Variants in ITGB8 observed in about 807,000 individuals in gnomAD.
ITGB8 encodes integrin beta-8.
Under a neutral mutation model 89.5 loss-of-function variants are expected in ITGB8, and 30 were observed. The observed-to-expected ratio is 0.34, with a 90% CI of 0.25 to 0.45. ITGB8 has a LOEUF of 0.45. ITGB8 is among the 20% of genes least tolerant of loss of function. The probability of loss-of-function intolerance (pLI) is 1.00; values close to 1 mark genes in which losing one functional copy is unlikely to be tolerated. For synonymous variants in ITGB8, 335 were observed against 320.4 expected (o/e 1.05, Z -0.49); for missense variants, 836 against 933.3 (o/e 0.90, Z 1.36).
At chr7:20,355,924 G>A (rs1342366110) in intron 1 of ITGB8, among the ~76,000 whole-genome samples, 1 of 152,152 alleles carries the variant, frequency 6.6e-6, no homozygotes, top group Admixed American at 6.5e-5. Context: ...CCACAGATGT[G>A]TTATCATTAT....
chr7:20,358,421 T>C (rs1054131693), intron 1 of ITGB8, among the ~76,000 whole-genome samples: 7 of 149,888 alleles, frequency 4.7e-5, no homozygotes, highest in African/African-American at 1.7e-4. Flanking sequence ...ATTTTTTTCT[T>C]TTTTTTTTTG....
intron 6 of ITGB8, among the ~76,000 whole-genome samples, chr7:20,386,799 T>C (rs1185543012): frequency 6.6e-6 from 1 of 152,096 alleles, no homozygotes; most frequent in Non-Finnish European, 1.5e-5. Context: ...AAATTCAACT[T>C]TGATAAAAAT....
chr7:20,402,682 A>T (rs778259083), intron 10 of ITGB8, among the ~76,000 whole-genome samples: 1 of 152,258 alleles, frequency 6.6e-6, no homozygotes, highest in Non-Finnish European at 1.5e-5. Context: ...GCCAAAGGAC[A>T]GCATTCTTCA....
At chr7:20,354,817 C>G (rs1785235509) in intron 1 of ITGB8, among the ~76,000 whole-genome samples, 1 of 152,212 alleles carries the variant, frequency 6.6e-6, no homozygotes, top group Non-Finnish European at 1.5e-5. Flanking sequence ...GTTAGTTATG[C>G]AATCATCATC....
chr7:20,405,970 T>C, intron 11 of ITGB8, 92 bp from the exon 12 acceptor site: 1 of 744,326 alleles, frequency 1.3e-6, no homozygotes, highest in Non-Finnish European at 2.3e-6. Flanking sequence ...TGTTTCTGCA[T>C]TGTTATTTTG....
At chr7:20,409,261 A>G (rs574283273) in intron 12 of ITGB8, among the ~76,000 whole-genome samples, 1 of 152,348 alleles carries the variant, frequency 6.6e-6, no homozygotes, top group East Asian at 1.9e-4. Context: ...CGTACCACAA[A>G]AACTAGTCCT....
intron 12 of ITGB8, among the ~76,000 whole-genome samples, chr7:20,407,414 AG>A (rs1460363684): frequency 2.6e-5 from 4 of 152,154 alleles, no homozygotes; most frequent in East Asian, 1.9e-4. Context: ...TACTTTGCAC[AG>A]GGGTAAGGTG....
At chr7:20,330,062 C>T (rs1051906035), upstream of ITGB8, among the ~76,000 whole-genome samples, 14 of 152,190 alleles carry the variant, frequency 9.2e-5, no homozygotes, top group African/African-American at 2.9e-4. Flanking sequence ...GGGAAGGTGA[C>T]GCTTAAGATC....
chr7:20,337,492 C>A (rs927158541), intron 1 of ITGB8, among the ~76,000 whole-genome samples: 3 of 152,192 alleles, frequency 2.0e-5, no homozygotes, highest in Non-Finnish European at 4.4e-5. Flanking sequence ...GTAGGCCAGG[C>A]ACCCTCCTGG....
At chr7:20,339,191 G>A (rs1433010464) in intron 1 of ITGB8, among the ~76,000 whole-genome samples, 20 of 107,714 alleles carry the variant, frequency 1.9e-4, no homozygotes, top group South Asian at 6.3e-4. Flanking sequence ...ACTCCATCTC[G>A]AAAAAAAAAA....
intron 8 of ITGB8, among the ~76,000 whole-genome samples, chr7:20,398,196 G>A (rs1450035667): frequency 6.6e-6 from 1 of 152,168 alleles, no homozygotes; most frequent in African/African-American, 2.4e-5. Flanking sequence ...TGCCCAGTAA[G>A]AGGACCTATT....
rs183853116 is a variant in ITGB8, at chr7:20,385,216, C to G, written c.960+3331C>G. 3.3e-5 allele frequency among the ~76,000 whole-genome samples: 5 copies of G among 152,296 alleles called. No homozygotes were observed. The South Asian group carries it at 1.0e-3, about 32-fold the overall frequency. ...GTAACAATGAAAGAAGACCAAGGAACAAGTATGTGGAGGTCATCCAATGAA... is the reference window on the plus strand; with the variant it reads ...GTAACAATGAAAGAAGACCAAGGAAGAAGTATGTGGAGGTCATCCAATGAA... On this transcript the variant is annotated intron_variant, in intron 6 of 13. Transcript: ENST00000222573.
chr7:20,395,876 G>A (rs1425785385), intron 8 of ITGB8, among the ~76,000 whole-genome samples: 1 of 152,130 alleles, frequency 6.6e-6, no homozygotes, highest in Non-Finnish European at 1.5e-5. Context: ...CAAGCCTCAG[G>A]TGCTTCCTCC....
Position 20,367,098 on chromosome 7 carries a change from A to T in ITGB8, c.300A>T (p.Glu100Asp). 1 of 1,609,320 alleles carries T rather than the reference A, an allele frequency of 6.2e-7. No individual in the cohort carries two copies. The highest frequency in any genetic ancestry group is 8.5e-7 in the Non-Finnish European group (1 of 1,175,704). Reference protein sequence around the residue: ...ISKGCSVDSIEYPSVHVIIPT... With the variant: ...ISKGCSVDSIDYPSVHVIIPT... Reference sequence around the variant, plus strand: ...AAGGCTGCTCAGTTGATTCAATAGAATACCCATCTGTGCATGTTATAATAC... The same window carrying T: ...AAGGCTGCTCAGTTGATTCAATAGATTACCCATCTGTGCATGTTATAATAC... The change falls in exon 3 of 14, where the codon GAA becomes GAT. Residue 100 changes from glutamate (E) to aspartate (D), a missense_variant. Coordinates refer to ENST00000222573, the MANE Select transcript of ITGB8 (RefSeq NM_002214.3).
intron 1 of ITGB8, among the ~76,000 whole-genome samples, chr7:20,349,484 G>A (rs1409772821): frequency 1.3e-5 from 2 of 151,788 alleles, no homozygotes; most frequent in Non-Finnish European, 2.9e-5. Flanking sequence ...AGGCTGCCGA[G>A]AGTTGGCAAG....
At chr7:20,406,498 T>G (rs1787550091) in intron 12 of ITGB8, among the ~76,000 whole-genome samples, 1 of 151,094 alleles carries the variant, frequency 6.6e-6, no homozygotes, top group African/African-American at 2.4e-5. Context: ...TGCAATGAGC[T>G]GAGATCATGC....
At chr7:20,399,410 A>G (rs1406865508) in intron 9 of ITGB8, among the ~76,000 whole-genome samples, 1 of 152,192 alleles carries the variant, frequency 6.6e-6, no homozygotes, top group Non-Finnish European at 1.5e-5. Flanking sequence ...ATATCACAGA[A>G]AAGAATGGGA....
intron 3 of ITGB8, among the ~76,000 whole-genome samples, chr7:20,370,753 G>A (rs997081756): frequency 6.6e-6 from 1 of 152,222 alleles, no homozygotes; most frequent in South Asian, 2.1e-4. Flanking sequence ...TGAGATTACA[G>A]GAGCCTGCCA....
At chr7:20,392,986 C>T (rs1230898130) in intron 7 of ITGB8, among the ~76,000 whole-genome samples, 1 of 152,132 alleles carries the variant, frequency 6.6e-6, no homozygotes. Flanking sequence ...TTTGTAAATA[C>T]TTATTAATCT....
Sources: gnomAD v4.1 joint callset for allele counts (sites outside exome capture counted in the v4.1 genomes callset) on GRCh38, gnomAD v4.1.1 for gene constraint, MANE v1.5 for transcripts, NCBI Gene and HGNC (gene_info 2026-07-23, HGNC 2026-07-21) for gene names.